The following MAP2 variants were observed in gnomAD, a reference collection of about 807,000 sequenced individuals.
MAP2 encodes the protein microtubule associated protein 2, also known as microtubule-associated protein 2.
MAP2 carries 14 observed loss-of-function variants against 137.6 expected under a neutral mutation model. That is an observed-to-expected ratio of 0.10 (90% CI 0.07 to 0.16). The LOEUF is 0.16. Among genes scored for constraint, MAP2 ranks in the 10% least tolerant of loss-of-function variants. The probability of loss-of-function intolerance (pLI) is 1.00; values close to 1 mark genes in which losing one functional copy is unlikely to be tolerated. For missense variants in MAP2, 2,088 were observed against 2,191.5 expected (o/e 0.95, Z 0.94); for synonymous variants, 786 against 782.3 (o/e 1.00, Z -0.08).
At chr2:209,425,817 C>T (rs1692409860) in intron 1 of MAP2, among the ~76,000 whole-genome samples, 1 of 152,106 alleles carries the variant, frequency 6.6e-6, no homozygotes, top group South Asian at 2.1e-4. Flanking sequence ...AATAGAAGCC[C>T]TTTAGAATGC....
At chr2:209,434,706 T>G (rs1695224673) in intron 1 of MAP2, among the ~76,000 whole-genome samples, 1 of 150,812 alleles carries the variant, frequency 6.6e-6, no homozygotes, top group Admixed American at 6.6e-5. Context: ...TCTGTAGTCC[T>G]AGCTATTCAG....
intron 1 of MAP2, among the ~76,000 whole-genome samples, chr2:209,506,262 G>A (rs2061042773): frequency 6.6e-6 from 1 of 151,988 alleles, no homozygotes; most frequent in Non-Finnish European, 1.5e-5. Context: ...TTAAACACCT[G>A]CCCTTAGGAT....
At chr2:209,447,688 T>C (rs779407833) in intron 1 of MAP2, among the ~76,000 whole-genome samples, 1 of 152,060 alleles carries the variant, frequency 6.6e-6, no homozygotes, top group Non-Finnish European at 1.5e-5. Flanking sequence ...CCTTAGCAGA[T>C]CATTATTCAA....
chr2:209,516,489 G>A (rs937490080), intron 2 of MAP2, among the ~76,000 whole-genome samples: 3 of 152,068 alleles, frequency 2.0e-5, no homozygotes, highest in African/African-American at 4.8e-5. Context: ...CAGCCATAAG[G>A]AGTATTAGAC....
chr2:209,685,247 T>C (rs2056568172), intron 7 of MAP2, among the ~76,000 whole-genome samples: 1 of 152,164 alleles, frequency 6.6e-6, no homozygotes, highest in African/African-American at 2.4e-5. Context: ...GAGAGTTATT[T>C]GTTACAAGCT....
intron 1 of MAP2, among the ~76,000 whole-genome samples, chr2:209,460,604 C>CTTCCTTCT (rs1214760792): frequency 6.8e-6 from 1 of 146,218 alleles, no homozygotes; most frequent in Non-Finnish European, 1.5e-5. Context: ...TCCTTCCTTC[C>CTTCCTTCT]TTCCTTCTTT....
intron 5 of MAP2, chr2:209,661,817 T>C (rs2043768263): frequency 6.7e-6 from 2 of 297,368 alleles, no homozygotes; most frequent in Non-Finnish European, 9.9e-6. Context: ...CTAGCTTATA[T>C]GGATATTATA....
chr2:209,596,202 G>A (rs537680008), intron 3 of MAP2, among the ~76,000 whole-genome samples: 116 of 152,228 alleles, frequency 7.6e-4, no homozygotes, highest in Non-Finnish European at 1.1e-3. Flanking sequence ...GAAAGCTAAG[G>A]ATCACAGTGG....
At chr2:209,466,930 A>G (rs946415848) in intron 1 of MAP2, among the ~76,000 whole-genome samples, 10 of 152,180 alleles carry the variant, frequency 6.6e-5, no homozygotes, top group Non-Finnish European at 7.4e-5. Flanking sequence ...GTTCCTTACT[A>G]ACATTTCCAG....
Position 209,529,172 on chromosome 2 carries a change from A to G in MAP2, c.-172+21531A>G, listed in dbSNP as rs1221743961. On this transcript the variant is annotated intron_variant, in intron 2 of 15. Coordinates refer to ENST00000682079, the MANE Select transcript of MAP2 (RefSeq NM_001375505.1). ...AAATGGTGGTGTGGATGAAGCAGCA[A>G]CAGTTATCAAATGTGGTGGAGAGGA... Among the ~76,000 whole-genome samples, 4 of 152,078 alleles carry G rather than the reference A, an allele frequency of 2.6e-5. No homozygotes were observed. The East Asian group carries it at 7.8e-4, about 30-fold the overall frequency.
intron 1 of MAP2, among the ~76,000 whole-genome samples, chr2:209,460,127 T>C (rs967059747): frequency 2.6e-5 from 4 of 152,222 alleles, no homozygotes; most frequent in Admixed American, 2.0e-4. Flanking sequence ...CAAACCTGTT[T>C]TAATTTGTGA....
chr2:209,473,626 C>CTTT (rs1706384497), intron 1 of MAP2, among the ~76,000 whole-genome samples: 1 of 151,848 alleles, frequency 6.6e-6, no homozygotes, highest in Admixed American at 6.6e-5. Context: ...AAAGATAAAA[C>CTTT]AGAGATGTAT....
intron 11 of MAP2, among the ~76,000 whole-genome samples, chr2:209,701,796 A>T (rs1181767481): frequency 6.6e-6 from 1 of 152,090 alleles, no homozygotes; most frequent in Non-Finnish European, 1.5e-5. Context: ...ACACATTGTG[A>T]TTTCAAGATT....
intron 2 of MAP2, among the ~76,000 whole-genome samples, chr2:209,567,254 A>C (rs2073641665): frequency 6.6e-6 from 1 of 152,130 alleles, no homozygotes; most frequent in Non-Finnish European, 1.5e-5. Flanking sequence ...GATATTAGAG[A>C]AAGTTTTGTA....
intron 2 of MAP2, among the ~76,000 whole-genome samples, chr2:209,520,060 A>G (rs1421664365): frequency 1.3e-5 from 2 of 152,046 alleles, no homozygotes; most frequent in Non-Finnish European, 1.5e-5. Flanking sequence ...TCAACTACTC[A>G]TTCAGTGCTC....
At chr2:209,720,750 C>A (rs1361082158) in intron 13 of MAP2, among the ~76,000 whole-genome samples, 1 of 151,006 alleles carries the variant, frequency 6.6e-6, no homozygotes, top group Non-Finnish European at 1.5e-5. Context: ...ATCATGAGCA[C>A]GGAAAATTAG....
chr2:209,710,031 C>G lies in MAP2; in HGVS notation c.4850C>G (p.Pro1617Arg), dbSNP rs753517911. The change falls in exon 13 of 16, where the codon CCT (proline) becomes CGT (arginine). Residue 1617 changes from proline to arginine, a missense_variant. Coordinates refer to ENST00000682079, the MANE Select transcript of MAP2 (RefSeq NM_001375505.1). ...PSYSSRTPGT[P>R]GTPSYPRTPH... ...TATTCTTCACGCACACCAGGCACTC[C>G]TGGAACCCCTAGCTATCCCAGGACC... 6.2e-7 allele frequency: 1 copy of G among 1,614,074 alleles called. No homozygotes were observed. Among genetic ancestry groups the G allele is most frequent in the Non-Finnish European group, 8.5e-7 (1 of 1,180,014 alleles).
chr2:209,545,502 G>A (rs1013410523), intron 2 of MAP2, among the ~76,000 whole-genome samples: 1 of 152,164 alleles, frequency 6.6e-6, no homozygotes, highest in Non-Finnish European at 1.5e-5. Flanking sequence ...TAACGATGCA[G>A]CTGACAGTAT....
chr2:209,430,925 A>G (rs1159985205), intron 1 of MAP2, among the ~76,000 whole-genome samples: 1 of 148,176 alleles, frequency 6.7e-6, no homozygotes, highest in Non-Finnish European at 1.5e-5. Context: ...TGGCCACTGT[A>G]TCTCAGACTA....
Sources: gnomAD v4.1 joint callset for allele counts (sites outside exome capture counted in the v4.1 genomes callset) on GRCh38, gnomAD v4.1.1 for gene constraint, MANE v1.5 for transcripts, NCBI Gene and HGNC (gene_info 2026-07-23, HGNC 2026-07-21) for gene names.